Variants in USP7 observed in about 807,000 individuals in gnomAD.
USP7 encodes ubiquitin C-terminal hydrolase 7.
In USP7, 9 loss-of-function variants were observed where a neutral mutation model predicts 162.9. That is an observed-to-expected ratio of 0.06 (90% CI 0.03 to 0.10). The LOEUF is 0.10. Ranked by LOEUF, USP7 falls within the 10% of genes least tolerant of loss-of-function variation. The pLI, the probability that USP7 is intolerant of heterozygous loss-of-function variation, is 1.00. For missense variants in USP7, 715 were observed against 1,373.7 expected (o/e 0.52, Z 7.58); for synonymous variants, 562 against 475.9 (o/e 1.18, Z -2.35).
intron 1 of USP7, chr16:8,936,567 T>C: frequency 6.5e-7 from 1 of 1,531,648 alleles, no homozygotes; most frequent in South Asian, 1.2e-5. Flanking sequence ...GAGCTCAACC[T>C]GAAAACCTGA....
rs1000423429 is a variant in USP7, at chr16:8,892,919, T to A, written c.*1079A>T. 5 of 152,340 alleles carry A rather than the reference T, an allele frequency of 3.3e-5. No individual in the cohort carries two copies. The highest frequency in any genetic ancestry group is 2.0e-4 in the Admixed American group (3 of 15,308). 9.4% of individuals were successfully genotyped at this position (152,340 alleles called of 1,614,324 possible). A position where few individuals can be genotyped will look rare whatever the true frequency, so the allele number is the denominator to read the frequency against. On this transcript the variant is annotated 3_prime_UTR_variant, in exon 31 of 31. Coordinates refer to ENST00000344836, the MANE Select transcript of USP7 (RefSeq NM_003470.3). ...AAAAATAAGAGTGATTTGCTGATTC[T>A]ATTTTACTGCACTCAAAACTAGACA...
chr16:8,946,115 T>TCC (rs1023983271), intron 1 of USP7, among the ~76,000 whole-genome samples: 4 of 151,792 alleles, frequency 2.6e-5, no homozygotes, highest in African/African-American at 9.7e-5. Context: ...CTACAGCCCC[T>TCC]CCCCCACAAG....
intron 12 of USP7, among the ~76,000 whole-genome samples, chr16:8,907,792 C>A (rs183820464): frequency 6.6e-6 from 1 of 151,984 alleles, no homozygotes; most frequent in African/African-American, 2.4e-5. Flanking sequence ...CCAGCCTGGG[C>A]GACACAGCAA....
chr16:8,931,030 A>T (rs1898300787), intron 1 of USP7, among the ~76,000 whole-genome samples: 1 of 152,146 alleles, frequency 6.6e-6, no homozygotes, highest in Non-Finnish European at 1.5e-5. Context: ...AATCAGCGTA[A>T]AGAACCTTTA....
intron 1 of USP7, among the ~76,000 whole-genome samples, chr16:8,934,541 G>A (rs1898568331): frequency 6.6e-6 from 1 of 152,212 alleles, no homozygotes; most frequent in Non-Finnish European, 1.5e-5. Flanking sequence ...ACTAAAGAAA[G>A]CCTATTATTT....
At chr16:8,962,400 T>C in intron 1 of USP7, 1 of 326,212 alleles carries the variant, frequency 3.1e-6, no homozygotes, top group Non-Finnish European at 6.6e-6. Context: ...ACATCCAACC[T>C]TTACAACCAA....
intron 3 of USP7, among the ~76,000 whole-genome samples, chr16:8,922,456 C>T (rs555942108): frequency 2.0e-5 from 3 of 152,338 alleles, no homozygotes; most frequent in African/African-American, 7.2e-5. Context: ...CCACTGCACT[C>T]CAGCCTGGCG....
At chr16:8,941,225 G>A (rs1899033276) in intron 1 of USP7, among the ~76,000 whole-genome samples, 1 of 152,134 alleles carries the variant, frequency 6.6e-6, no homozygotes, top group African/African-American at 2.4e-5. Flanking sequence ...CTCTTGGAAG[G>A]AGCCAATTCC....
Position 8,894,418 on chromosome 16 carries a change from C to T in USP7, c.3202+132G>A, listed in dbSNP as rs2289110. ...TCGTAGGTTATGGAATGCTATTGCT[C>T]CTGGTTCCACAGGTCGGCCAGTGGA... On this transcript the variant is annotated intron_variant, in intron 30 of 30. Transcript: ENST00000344836. 9,037 of 815,858 alleles carry T rather than the reference C, an allele frequency of 0.011. 586 individuals carry two copies. The Admixed American group carries it at 0.14, about 13-fold the overall frequency. 50.5% of individuals were successfully genotyped at this position (815,858 alleles called of 1,614,324 possible).
intron 1 of USP7, among the ~76,000 whole-genome samples, chr16:8,947,275 A>T (rs1899328775): frequency 6.6e-6 from 1 of 152,214 alleles, no homozygotes; most frequent in Non-Finnish European, 1.5e-5. Context: ...TTTTTTATAC[A>T]ACATTACTTG....
intron 1 of USP7, 88 bp downstream of exon 1, chr16:8,963,119 G>A (rs2141272641): frequency 8.3e-7 from 1 of 1,211,638 alleles, no homozygotes; most frequent in Non-Finnish European, 1.0e-6. Context: ...GGTTAAAGAT[G>A]GCGAGCCCCT....
intron 2 of USP7, among the ~76,000 whole-genome samples, chr16:8,924,905 C>A (rs1897906063): frequency 6.6e-6 from 1 of 152,218 alleles, no homozygotes; most frequent in Non-Finnish European, 1.5e-5. Context: ...GGAAGAGCAG[C>A]TGAAAGAGGC....
At chr16:8,926,361 C>G (rs1897992921) in intron 2 of USP7, among the ~76,000 whole-genome samples, 1 of 152,058 alleles carries the variant, frequency 6.6e-6, no homozygotes, top group South Asian at 2.1e-4. Context: ...CGCCTGTAAT[C>G]CCAGCTACTT....
At chr16:8,939,324 T>A (rs1342749252) in intron 1 of USP7, among the ~76,000 whole-genome samples, 1 of 152,144 alleles carries the variant, frequency 6.6e-6, no homozygotes, top group Non-Finnish European at 1.5e-5. Flanking sequence ...TGGGATCTTG[T>A]CACTTCACCA....
At chr16:8,902,030 G>A in intron 18 of USP7, 52 bp downstream of exon 18, 2 of 1,459,478 alleles carry the variant, frequency 1.4e-6, no homozygotes, top group Non-Finnish European at 1.9e-6. Context: ...CAACAATCCA[G>A]GAATCCAACG....
Position 8,903,385 on chromosome 16 carries a change from C to T in USP7, c.1722G>A (p.Gln574=), listed in dbSNP as rs746777348. 3.1e-6 allele frequency: 5 copies of T among 1,613,872 alleles called. No homozygotes were observed. The African/African-American group carries it at 4.0e-5, about 13-fold the overall frequency. Reference sequence around the variant, plus strand: ...TGTCATTCCCTTGGTGGCCACAAAACTGGTCCTCTGCGACTATCTGAAAAT... The same window carrying T: ...TGTCATTCCCTTGGTGGCCACAAAATTGGTCCTCTGCGACTATCTGAAAAT... The part of the protein sequence containing the change: ...YMQVQIVAED[Q]FCGHQGNDMY... The change falls in exon 16 of 31, where the codon CAG becomes CAA. Residue 574 remains glutamine, a synonymous_variant. Coordinates refer to ENST00000344836, the MANE Select transcript of USP7 (RefSeq NM_003470.3).
At chr16:8,960,540 G>C (rs1192042303) in intron 1 of USP7, among the ~76,000 whole-genome samples, 1 of 152,200 alleles carries the variant, frequency 6.6e-6, no homozygotes, top group Non-Finnish European at 1.5e-5. Context: ...CTGCCCAGGA[G>C]GTGCAGGCAG....
intron 13 of USP7, among the ~76,000 whole-genome samples, chr16:8,906,052 T>G (rs1297154442): frequency 6.6e-6 from 1 of 152,040 alleles, no homozygotes; most frequent in African/African-American, 2.4e-5. Flanking sequence ...GAGATCCCCA[T>G]GAGAGGAAAC....
chr16:8,933,301 T>C (rs980848134), intron 1 of USP7, among the ~76,000 whole-genome samples: 2 of 152,026 alleles, frequency 1.3e-5, no homozygotes, highest in Non-Finnish European at 2.9e-5. Context: ...ATCCCAGCAC[T>C]TGTGGGGGGC....
Sources: allele counts gnomAD v4.1 joint callset (sites outside exome capture counted in the v4.1 genomes callset), GRCh38; gene constraint gnomAD v4.1.1; transcripts MANE v1.5; gene names NCBI Gene and HGNC (gene_info 2026-07-23, HGNC 2026-07-21).